The following BLNK variants were observed in gnomAD, a reference collection of about 807,000 sequenced individuals.
BLNK encodes the protein B cell linker.
In BLNK, 29 loss-of-function variants were observed where a neutral mutation model predicts 73.5. The observed-to-expected ratio is 0.39, with a 90% CI of 0.29 to 0.54. BLNK has a LOEUF of 0.54. Ranked by LOEUF, BLNK falls within the 20% of genes least tolerant of loss-of-function variation. BLNK has a pLI of 0.61. For missense variants in BLNK, 460 were observed against 562.8 expected, an observed-to-expected ratio of 0.82 and a Z score of 1.85; for synonymous variants, 176 against 200.8, an observed-to-expected ratio of 0.88 and a Z score of 1.04.
chr10:96,209,812 A>C, intron 9 of BLNK, 26 bp downstream of exon 9: 2 of 1,614,080 alleles, frequency 1.2e-6, no homozygotes, highest in South Asian at 2.2e-5. Flanking sequence ...AGATCTCAAA[A>C]GCTGCTTCCT....
intron 1 of BLNK, among the ~76,000 whole-genome samples, chr10:96,256,653 G>C (rs762206935): frequency 1.3e-5 from 2 of 152,086 alleles, no homozygotes; most frequent in Non-Finnish European, 2.9e-5. Context: ...AGCCAAGGAG[G>C]GTGGATCACT....
intron 15 of BLNK, among the ~76,000 whole-genome samples, chr10:96,197,674 A>G (rs940406609): frequency 6.6e-6 from 1 of 152,124 alleles, no homozygotes; most frequent in Admixed American, 6.5e-5. Flanking sequence ...CAAAACTTTC[A>G]TTTTATATTT....
chr10:96,191,948 T>G lies in BLNK; in HGVS notation c.*25A>C. The G allele has an allele frequency of 6.2e-7, 1 of 1,613,246 alleles. No homozygotes were observed. Among genetic ancestry groups the G allele is most frequent in the South Asian group, 1.1e-5 (1 of 91,056 alleles). ...AACTTTGGGAAAGTGTCTGAAGCAA[T>G]GGTATTGATCTTTTTTTTCCCCCTT... On this transcript the variant is annotated 3_prime_UTR_variant, in exon 17 of 17. Coordinates refer to ENST00000224337, the MANE Select transcript of BLNK (RefSeq NM_013314.4).
chr10:96,203,299 A>G (rs1314751812), intron 13 of BLNK, among the ~76,000 whole-genome samples: 1 of 152,188 alleles, frequency 6.6e-6, no homozygotes, highest in African/African-American at 2.4e-5. Flanking sequence ...TTTTTTTTAA[A>G]AACTAGTAAA....
intron 16 of BLNK, among the ~76,000 whole-genome samples, chr10:96,193,872 T>G (rs782126458): frequency 6.6e-6 from 1 of 152,250 alleles, no homozygotes. Flanking sequence ...ATTGACATCA[T>G]GTAACCAACA....
In BLNK at chr10:96,200,868, T is replaced by C. The variant is rs2083613883; in HGVS notation, c.1011+114A>G. 6 of 990,900 alleles carry C rather than the reference T, an allele frequency of 6.1e-6. No homozygotes were observed. The highest frequency in any genetic ancestry group is 1.6e-5 in the African/African-American group (1 of 62,582). 61.4% of individuals were successfully genotyped at this position (990,900 alleles called of 1,614,324 possible). A position where few individuals can be genotyped will look rare whatever the true frequency, so the allele number is the denominator to read the frequency against. On this transcript the variant is annotated intron_variant, in intron 14 of 16. Transcript: ENST00000224337. This position sits in a 1 kb window ranked among gnomAD's most constrained non-coding sequence, Gnocchi z 4.3. ...CCAAATGACAGTTCACATAATGATG[T>C]AAAATACAGTCTCTGTTCTCAAGGT...
In BLNK at chr10:96,265,036, G is replaced by A. The variant is rs183915064; in HGVS notation, c.47+6316C>T. 1.7e-4 allele frequency among the ~76,000 whole-genome samples: 26 copies of A among 152,048 alleles called. No individual in the cohort carries two copies. In the East Asian group the frequency reaches 4.2e-3, roughly 25 times the overall value. On this transcript the variant is annotated intron_variant, in intron 1 of 16. Coordinates refer to ENST00000224337, the MANE Select transcript of BLNK (RefSeq NM_013314.4). ...GAGTGCAGTGGCATGATCTTGGCTC[G>A]TTGCAGCCTCAACCTCCTGGGCGAT...
chr10:96,191,338 A>G lies in BLNK; in HGVS notation c.*635T>C, dbSNP rs979307733. Among the ~76,000 whole-genome samples, 1 of 145,134 alleles carries G rather than the reference A, an allele frequency of 6.9e-6. No individual in the cohort carries two copies. The highest frequency in any genetic ancestry group is 2.6e-5 in the African/African-American group (1 of 38,682). On this transcript the variant is annotated 3_prime_UTR_variant, in exon 17 of 17. Coordinates refer to ENST00000224337, the MANE Select transcript of BLNK (RefSeq NM_013314.4). ...AAACCTCATATCAAGTTTAGGTTCT[A>G]TTTGATAGACATGTAGATCAAAGAG...
Position 96,200,915 on chromosome 10 carries a change from C to T in BLNK, c.1011+67G>A. ...AGGTTCACTCCAAATGTCTTCTTCTCAGAAGACATGCTCTTTCCTGCAGTT... is the reference window on the plus strand; with the variant it reads ...AGGTTCACTCCAAATGTCTTCTTCTTAGAAGACATGCTCTTTCCTGCAGTT... On this transcript the variant is annotated intron_variant, in intron 14 of 16. Coordinates refer to ENST00000224337, the MANE Select transcript of BLNK (RefSeq NM_013314.4). This position sits in a 1 kb window ranked among gnomAD's most constrained non-coding sequence, Gnocchi z 4.3. 1 of 1,375,996 alleles carries T rather than the reference C, an allele frequency of 7.3e-7. No individual in the cohort carries two copies. The allele number at this position is 1,375,996 out of a possible 1,614,324, so 85.2% of individuals were successfully genotyped here.
At position 96,191,669 on chromosome 10, in the gene BLNK, AT is replaced by A; in HGVS notation, c.*303del. ...CCACTTTGTTTTATGCAAGAGCATTATTTTCTTATTTTGATAATATACTTTA... is the reference window on the plus strand; with the variant it reads ...CCACTTTGTTTTATGCAAGAGCATTATTTCTTATTTTGATAATATACTTTA... On this transcript the variant is annotated 3_prime_UTR_variant, in exon 17 of 17. Coordinates refer to ENST00000224337, the MANE Select transcript of BLNK (RefSeq NM_013314.4). 1 of 238,620 alleles carries A rather than the reference AT, an allele frequency of 4.2e-6. No individual in the cohort carries two copies. 14.8% of individuals were successfully genotyped at this position (238,620 alleles called of 1,614,324 possible).
chr10:96,207,078 G>T (rs200517110), intron 10 of BLNK, 25 bp from the exon 11 acceptor site: 5 of 1,600,912 alleles, frequency 3.1e-6, no homozygotes, highest in African/African-American at 2.7e-5. Flanking sequence ...AAAAGGCAAG[G>T]TTATTCAATA....
chr10:96,231,898 G>A (rs782446238), intron 3 of BLNK, among the ~76,000 whole-genome samples: 3 of 152,316 alleles, frequency 2.0e-5, no homozygotes, highest in East Asian at 1.9e-4. Context: ...GTGCTGCCTC[G>A]CTCCAGGGGC....
intron 12 of BLNK, 184 bp from the exon 13 acceptor site, chr10:96,204,272 T>G (rs1004811551): frequency 6.5e-6 from 5 of 768,530 alleles, no homozygotes; most frequent in African/African-American, 1.8e-5. Context: ...CTCTTCCTTT[T>G]AGTTTTGAAA....
At chr10:96,253,164 A>G (rs751116809) in intron 1 of BLNK, among the ~76,000 whole-genome samples, 3 of 152,166 alleles carry the variant, frequency 2.0e-5, no homozygotes, top group Non-Finnish European at 4.4e-5. Context: ...CACTCTTGAC[A>G]TTTTGAAATC....
At chr10:96,209,332 C>T (rs1223301906) in intron 9 of BLNK, among the ~76,000 whole-genome samples, 1 of 152,182 alleles carries the variant, frequency 6.6e-6, no homozygotes, top group East Asian at 1.9e-4. Flanking sequence ...TTAGTGAACT[C>T]AAGACTTAAC....
intron 8 of BLNK, among the ~76,000 whole-genome samples, chr10:96,213,551 A>G (rs1283155422): frequency 6.6e-6 from 1 of 152,178 alleles, no homozygotes; most frequent in African/African-American, 2.4e-5. Context: ...CACAAAGACC[A>G]AGAAGCAAGA....
At chr10:96,258,507 C>T (rs1843613553) in intron 1 of BLNK, among the ~76,000 whole-genome samples, 2 of 152,168 alleles carry the variant, frequency 1.3e-5, no homozygotes, top group African/African-American at 4.8e-5. Flanking sequence ...TTTGTGATTG[C>T]CCTGAGATTA....
chr10:96,265,622 A>C (rs1843965197), intron 1 of BLNK, among the ~76,000 whole-genome samples: 1 of 152,226 alleles, frequency 6.6e-6, no homozygotes, highest in Admixed American at 6.5e-5. Context: ...CCTCATCCAA[A>C]CCATCCCAGA....
rs781826540 is a variant in BLNK, at chr10:96,200,185, A to T, written c.1012-27T>A. The T allele has an allele frequency of 1.9e-6, 3 of 1,601,450 alleles. No homozygotes were observed. Among genetic ancestry groups the T allele is most frequent in the African/African-American group, 1.3e-5 (1 of 74,834 alleles). On this transcript the variant is annotated intron_variant, in intron 14 of 16. Coordinates refer to ENST00000224337, the MANE Select transcript of BLNK (RefSeq NM_013314.4). This position sits in a 1 kb window ranked among gnomAD's most constrained non-coding sequence, Gnocchi z 4.3. ...TGTGAAATGGAGGGCACTGGTCAGC[A>T]TGGGATGGTCCCTACTTAACTCTAA...
Sources: gnomAD v4.1 joint callset for allele counts (sites outside exome capture counted in the v4.1 genomes callset) on GRCh38, gnomAD v4.1.1 for gene constraint, Gnocchi (gnomAD v3.1) non-coding constraint, MANE v1.5 for transcripts, NCBI Gene and HGNC (gene_info 2026-07-23, HGNC 2026-07-21) for gene names.